Variants in AUTS2 observed in about 807,000 individuals in gnomAD.
AUTS2 encodes activator of transcription and developmental regulator AUTS2.
Under a neutral mutation model 112.4 loss-of-function variants are expected in AUTS2, and 17 were observed. The observed-to-expected ratio is 0.15, with a 90% CI of 0.10 to 0.23. The LOEUF is 0.23. Among genes scored for constraint, AUTS2 ranks in the 10% least tolerant of loss-of-function variants. The pLI is 1.00. For synonymous variants in AUTS2, 751 were observed against 702.7 expected, an observed-to-expected ratio of 1.07 and a Z score of -1.09; for missense variants, 1,510 against 1,701.6, an observed-to-expected ratio of 0.89 and a Z score of 1.98.
intron 4 of AUTS2, among the ~76,000 whole-genome samples, chr7:70,336,079 T>G (rs1790976971): frequency 6.6e-6 from 1 of 152,240 alleles, no homozygotes; most frequent in Non-Finnish European, 1.5e-5. Flanking sequence ...AAACAGATCT[T>G]TCTTTCTAAA....
At chr7:69,995,047 C>T (rs1267735597) in intron 2 of AUTS2, among the ~76,000 whole-genome samples, 1 of 152,088 alleles carries the variant, frequency 6.6e-6, no homozygotes, top group Non-Finnish European at 1.5e-5. Flanking sequence ...AATAAGCCCT[C>T]TGTTACTGGA....
chr7:69,759,084 A>G (rs549491453), intron 1 of AUTS2, among the ~76,000 whole-genome samples: 173 of 152,240 alleles, frequency 1.1e-3, no homozygotes, highest in African/African-American at 3.9e-3. Context: ...AGGTACTGTT[A>G]TTTTCTCCAT....
At chr7:70,569,541 T>C (rs1369139940) in intron 5 of AUTS2, among the ~76,000 whole-genome samples, 1 of 152,246 alleles carries the variant, frequency 6.6e-6, no homozygotes, top group Non-Finnish European at 1.5e-5. Context: ...AGATTTACTT[T>C]CTGTCTCCCT....
rs1461264003 is a variant in AUTS2 at position 70,746,963 on chromosome 7, A to G, written c.743-15907A>G. Among the ~76,000 whole-genome samples, 5 of 152,192 alleles carry G rather than the reference A, an allele frequency of 3.3e-5. No homozygotes were observed. In the South Asian group the frequency reaches 8.3e-4, roughly 25 times the overall value. ...AGCAATAATTTACCCATGAACCACCAGTTAATATTGGGGGAATGAAAACAA... is the reference window on the plus strand; with the variant it reads ...AGCAATAATTTACCCATGAACCACCGGTTAATATTGGGGGAATGAAAACAA... On this transcript the variant is annotated intron_variant, in intron 6 of 18. Coordinates refer to ENST00000342771, the MANE Select transcript of AUTS2 (RefSeq NM_015570.4).
intron 5 of AUTS2, among the ~76,000 whole-genome samples, chr7:70,579,264 A>AAAAAAAAAAAAAAAAAAAAAAT (rs1802325332): frequency 6.9e-6 from 1 of 145,252 alleles, no homozygotes; most frequent in Non-Finnish European, 1.5e-5. Context: ...AAAAAAAAAG[A>AAAAAAAAAAAAAAAAAAAAAAT]TGAAGGGAGG....
intron 1 of AUTS2, among the ~76,000 whole-genome samples, chr7:69,743,868 C>G (rs1369598576): frequency 6.6e-6 from 1 of 152,116 alleles, no homozygotes; most frequent in Non-Finnish European, 1.5e-5. Context: ...ACGATCATAG[C>G]TCACTATAAC....
At chr7:69,605,648 A>G (rs953895355) in intron 1 of AUTS2, among the ~76,000 whole-genome samples, 2 of 152,232 alleles carry the variant, frequency 1.3e-5, no homozygotes, top group Non-Finnish European at 2.9e-5. Flanking sequence ...CTTGCTGTAT[A>G]TGAAGTGGTA....
intron 2 of AUTS2, among the ~76,000 whole-genome samples, chr7:69,978,900 ACGCACACACG>A (rs1234715986): frequency 1.6e-5 from 2 of 128,486 alleles, no homozygotes; most frequent in African/African-American, 3.0e-5. Flanking sequence ...ACACACACAC[ACGCACACACG>A]CACACACACA....
chr7:70,082,607 G>T (rs910409966), intron 2 of AUTS2, among the ~76,000 whole-genome samples: 1 of 152,202 alleles, frequency 6.6e-6, no homozygotes, highest in African/African-American at 2.4e-5. Context: ...CTTTGAATGA[G>T]AAACCTGGCC....
intron 4 of AUTS2, among the ~76,000 whole-genome samples, chr7:70,144,709 T>TA (rs1049611728): frequency 6.6e-6 from 1 of 152,034 alleles, no homozygotes; most frequent in Non-Finnish European, 1.5e-5. Context: ...CTCAAAAAGT[T>TA]ATGTATTATT....
intron 1 of AUTS2, among the ~76,000 whole-genome samples, chr7:69,733,731 G>A (rs960159085): frequency 2.0e-5 from 3 of 152,156 alleles, no homozygotes; most frequent in African/African-American, 7.2e-5. Flanking sequence ...TGGGGGTACT[G>A]TTCCTTTTCT....
intron 1 of AUTS2, among the ~76,000 whole-genome samples, chr7:69,820,765 C>T (rs1296397216): frequency 6.6e-6 from 1 of 152,088 alleles, no homozygotes; most frequent in Non-Finnish European, 1.5e-5. Flanking sequence ...CATGAATGAG[C>T]TCAGATGTGA....
intron 1 of AUTS2, among the ~76,000 whole-genome samples, chr7:69,713,999 T>C (rs1375430608): frequency 6.6e-6 from 1 of 152,182 alleles, no homozygotes; most frequent in Admixed American, 6.5e-5. Flanking sequence ...CTAGAAGTTT[T>C]GTCATGTTAA....
intron 2 of AUTS2, among the ~76,000 whole-genome samples, chr7:69,959,209 T>A (rs1346669255): frequency 6.6e-6 from 1 of 152,154 alleles, no homozygotes; most frequent in African/African-American, 2.4e-5. Context: ...TTCAAAACTC[T>A]CGTATTGTTC....
chr7:70,039,073 T>G (rs1801134431), intron 2 of AUTS2, among the ~76,000 whole-genome samples: 1 of 151,898 alleles, frequency 6.6e-6, no homozygotes, highest in Non-Finnish European at 1.5e-5. Context: ...TTCTTATTTT[T>G]CAAGAGGAGT....
chr7:69,891,135 C>T (rs1218472934), intron 1 of AUTS2, among the ~76,000 whole-genome samples: 1 of 152,144 alleles, frequency 6.6e-6, no homozygotes, highest in African/African-American at 2.4e-5. Flanking sequence ...CTTTATAATC[C>T]CTTCTTCCTA....
chr7:70,398,993 T>G (rs1308287024), intron 4 of AUTS2, among the ~76,000 whole-genome samples: 1 of 150,462 alleles, frequency 6.6e-6, no homozygotes, highest in Non-Finnish European at 1.5e-5. Context: ...TTTTTTTTTT[T>G]TTTTTCTTTT....
intron 1 of AUTS2, among the ~76,000 whole-genome samples, chr7:69,742,664 G>A (rs977000557): frequency 1.3e-5 from 2 of 152,186 alleles, no homozygotes; most frequent in Admixed American, 6.5e-5. Flanking sequence ...CTCGCTAGTT[G>A]TATATACCTT....
At chr7:70,142,100 A>G (rs1228531529) in intron 4 of AUTS2, among the ~76,000 whole-genome samples, 1 of 152,208 alleles carries the variant, frequency 6.6e-6, no homozygotes, top group Non-Finnish European at 1.5e-5. Context: ...GTATTTTTAA[A>G]CATTTGCTGT....
Sources: allele counts gnomAD v4.1 joint callset (sites outside exome capture counted in the v4.1 genomes callset), GRCh38; gene constraint gnomAD v4.1.1; transcripts MANE v1.5; gene names NCBI Gene and HGNC (gene_info 2026-07-23, HGNC 2026-07-21).